GRID1: variants seen among roughly 807,000 people sequenced by gnomAD.
GRID1 encodes glutamate receptor ionotropic, delta-1.
Under a neutral mutation model 98.0 loss-of-function variants are expected in GRID1, and 28 were observed. The observed-to-expected ratio is 0.29, with a 90% CI of 0.21 to 0.39. GRID1 has a LOEUF of 0.39. Ranked by LOEUF, GRID1 falls within the 10% of genes least tolerant of loss-of-function variation. GRID1 has a pLI of 1.00. For missense variants in GRID1, 1,111 were observed against 1,340.5 expected (o/e 0.83, Z 2.67); for synonymous variants, 553 against 538.5 (o/e 1.03, Z -0.37).
chr10:86,269,765 G>C (rs1006579689), intron 2 of GRID1, among the ~76,000 whole-genome samples: 1 of 152,162 alleles, frequency 6.6e-6, no homozygotes, highest in Non-Finnish European at 1.5e-5. Context: ...CATCCTGTTT[G>C]CTTTTTTGCT....
rs184335617 is a variant in GRID1, at chr10:85,723,145, C to T, written c.1859-4G>A. ...GAGTTCACGGAAGATTCGCCACCTGCGGGAGGCAGACAAAGTGGATTGGCC... is the reference window on the plus strand; with the variant it reads ...GAGTTCACGGAAGATTCGCCACCTGTGGGAGGCAGACAAAGTGGATTGGCC... On this transcript the variant is annotated splice_region_variant and splice_polypyrimidine_tract_variant and intron_variant, in intron 11 of 15. Transcript: ENST00000327946. 51 of 1,602,898 alleles carry T rather than the reference C, an allele frequency of 3.2e-5. No homozygotes were observed. Among genetic ancestry groups the T allele is most frequent in the Admixed American group, 2.9e-4 (17 of 58,858 alleles).
intron 8 of GRID1, among the ~76,000 whole-genome samples, chr10:85,823,817 T>C (rs538543278): frequency 6.6e-6 from 1 of 152,256 alleles, no homozygotes; most frequent in Non-Finnish European, 1.5e-5. Context: ...ATAATACCTT[T>C]TAAAGTTATA....
chr10:85,930,175 G>A (rs1052697116), intron 4 of GRID1, among the ~76,000 whole-genome samples: 43 of 149,302 alleles, frequency 2.9e-4, no homozygotes, highest in Admixed American at 7.3e-4. Context: ...AATAACTTGC[G>A]GTTATTTATA....
intron 13 of GRID1, among the ~76,000 whole-genome samples, chr10:85,642,793 G>T (rs1336349153): frequency 6.6e-6 from 1 of 152,066 alleles, no homozygotes; most frequent in Non-Finnish European, 1.5e-5. Context: ...TAACATTATT[G>T]TATTCATGAG....
intron 3 of GRID1, among the ~76,000 whole-genome samples, chr10:86,176,789 A>G (rs1316229471): frequency 6.6e-6 from 1 of 152,212 alleles, no homozygotes; most frequent in African/African-American, 2.4e-5. Context: ...GTGCCAGTCT[A>G]GGTAAGAAAT....
intron 2 of GRID1, among the ~76,000 whole-genome samples, chr10:86,357,984 A>G (rs1848555259): frequency 6.6e-6 from 1 of 152,178 alleles, no homozygotes; most frequent in African/African-American, 2.4e-5. Context: ...TCAGGCAGAA[A>G]AGAGGCCCTG....
chr10:85,802,497 T>C (rs1014591123), intron 8 of GRID1, among the ~76,000 whole-genome samples: 10 of 151,960 alleles, frequency 6.6e-5, no homozygotes, highest in Non-Finnish European at 1.3e-4. Context: ...ACTGGATAAA[T>C]AGAACTGTGG....
intron 4 of GRID1, among the ~76,000 whole-genome samples, chr10:85,929,022 G>A (rs1841813452): frequency 6.6e-6 from 1 of 152,150 alleles, no homozygotes; most frequent in Non-Finnish European, 1.5e-5. Flanking sequence ...GCAAAGTCTG[G>A]GAGATAGATA....
At chr10:86,227,281 T>C (rs1413986894) in intron 2 of GRID1, among the ~76,000 whole-genome samples, 1 of 152,144 alleles carries the variant, frequency 6.6e-6, no homozygotes, top group Non-Finnish European at 1.5e-5. Flanking sequence ...TTCTGGGGTG[T>C]ATGGTGGGTC....
chr10:85,831,681 G>A (rs1842868547), intron 8 of GRID1, among the ~76,000 whole-genome samples: 1 of 151,994 alleles, frequency 6.6e-6, no homozygotes, highest in Non-Finnish European at 1.5e-5. Context: ...AAACTTCTAT[G>A]CTTGGAAAAT....
intron 4 of GRID1, among the ~76,000 whole-genome samples, chr10:85,938,158 G>A (rs1841951261): frequency 6.6e-6 from 1 of 152,154 alleles, no homozygotes; most frequent in Non-Finnish European, 1.5e-5. Flanking sequence ...CTTGCCAGGG[G>A]GAATCTGGAT....
intron 4 of GRID1, among the ~76,000 whole-genome samples, chr10:86,018,125 C>T (rs1255219501): frequency 6.6e-6 from 1 of 152,248 alleles, no homozygotes; most frequent in Non-Finnish European, 1.5e-5. Flanking sequence ...CAACAGTTCA[C>T]ATCCAACAGG....
chr10:85,630,219 C>T (rs865840659), intron 13 of GRID1, among the ~76,000 whole-genome samples: 1 of 152,292 alleles, frequency 6.6e-6, no homozygotes, highest in South Asian at 2.1e-4. Context: ...TTGGCAAGAA[C>T]AAGGGTTTGG....
At chr10:86,269,738 T>C (rs1406664531) in intron 2 of GRID1, among the ~76,000 whole-genome samples, 3 of 152,228 alleles carry the variant, frequency 2.0e-5, no homozygotes, top group Admixed American at 6.5e-5. Context: ...GGCAGCAACT[T>C]CTTGGAGGTA....
At chr10:85,946,026 T>A (rs1312034842) in intron 4 of GRID1, among the ~76,000 whole-genome samples, 3 of 152,226 alleles carry the variant, frequency 2.0e-5, no homozygotes, top group Non-Finnish European at 4.4e-5. Flanking sequence ...TAGAAGAGTA[T>A]CTGCCAGGTA....
chr10:86,130,110 T>C (rs915040679), intron 4 of GRID1, among the ~76,000 whole-genome samples: 2 of 152,260 alleles, frequency 1.3e-5, no homozygotes, highest in Non-Finnish European at 2.9e-5. Context: ...CCAGCCCAGC[T>C]GAGATCCAGT....
intron 4 of GRID1, among the ~76,000 whole-genome samples, chr10:86,096,253 T>C (rs940716272): frequency 6.6e-6 from 1 of 152,124 alleles, no homozygotes; most frequent in Non-Finnish European, 1.5e-5. Flanking sequence ...AGTGTATACA[T>C]GGATGATGGG....
chr10:85,872,221 GGTTA>G (rs1843285378), intron 5 of GRID1, among the ~76,000 whole-genome samples: 1 of 152,078 alleles, frequency 6.6e-6, no homozygotes, highest in Non-Finnish European at 1.5e-5. Context: ...GCAATGAGTA[GGTTA>G]GTTAGTTTTA....
chr10:86,279,586 C>A (rs982104615), intron 2 of GRID1, among the ~76,000 whole-genome samples: 3 of 152,094 alleles, frequency 2.0e-5, no homozygotes, highest in African/African-American at 7.2e-5. Flanking sequence ...GCAAACTAGG[C>A]ATAGAAAGGA....
Sources: allele counts gnomAD v4.1 joint callset (sites outside exome capture counted in the v4.1 genomes callset), GRCh38; gene constraint gnomAD v4.1.1; transcripts MANE v1.5; gene names NCBI Gene and HGNC (gene_info 2026-07-23, HGNC 2026-07-21).